KDM6A: variants seen among roughly 807,000 people sequenced by gnomAD.
KDM6A encodes lysine-specific demethylase 6A.
KDM6A carries 11 observed loss-of-function variants against 117.6 expected under a neutral mutation model. That is an observed-to-expected ratio of 0.09 (90% CI 0.06 to 0.15). KDM6A has a LOEUF of 0.15. KDM6A is among the 10% of genes least tolerant of loss of function. The probability of loss-of-function intolerance (pLI) is 1.00; values close to 1 mark genes in which losing one functional copy is unlikely to be tolerated. For synonymous variants in KDM6A, 384 were observed against 396.1 expected (o/e 0.97, Z 0.36); for missense variants, 799 against 1,077.3 (o/e 0.74, Z 3.62).
intron 4 of KDM6A, among the ~76,000 whole-genome samples, chrX:44,984,722 A>C (rs2040108519): frequency 9.0e-6 from 1 of 111,358 alleles, no homozygotes; most frequent in African/African-American, 3.3e-5. Flanking sequence ...AGATAGTTGT[A>C]GATATGCAGC....
At chrX:45,025,508 A>C (rs1366715212) in intron 6 of KDM6A, among the ~76,000 whole-genome samples, 1 of 110,181 alleles carries the variant, frequency 9.1e-6, no homozygotes, top group Admixed American at 9.7e-5. Flanking sequence ...TATTAATGAC[A>C]GTTACTTATT....
chrX:45,048,177 A>AAC (rs1315424464), intron 8 of KDM6A, among the ~76,000 whole-genome samples: 1 of 108,213 alleles, frequency 9.2e-6, no homozygotes, highest in African/African-American at 3.4e-5. Flanking sequence ...AAAAAAAAAA[A>AAC]AAACTACAAA....
At position 45,111,648 on chromosome X, in the gene KDM6A, A is replaced by T. The variant is rs563385889; in HGVS notation, c.*237A>T. The stretch of plus-strand genomic sequence containing the variant: ...AAAAATAATAATTTCCATGTTTTGT[A>T]TATATCTGACAAAACTGGCAACATC... On this transcript the variant is annotated 3_prime_UTR_variant, in exon 30 of 30. Coordinates refer to ENST00000611820, the MANE Select transcript of KDM6A (RefSeq NM_001291415.2). 2.8e-6 allele frequency: 1 copy of T among 351,719 alleles called. No individual in the cohort carries two copies. Among genetic ancestry groups the T allele is most frequent in the South Asian group, 8.0e-5 (1 of 12,519 alleles). 29.0% of individuals were successfully genotyped at this position (351,719 alleles called of 1,213,427 possible). A position where few individuals can be genotyped will look rare whatever the true frequency, so the allele number is the denominator to read the frequency against.
chrX:45,031,268 C>T (rs1430791511), intron 6 of KDM6A, among the ~76,000 whole-genome samples: 2 of 111,542 alleles, frequency 1.8e-5, no homozygotes, highest in African/African-American at 6.5e-5. Flanking sequence ...TTTTAAAAAT[C>T]CTATTAAGGC....
At chrX:44,874,961 G>A (rs1165024801) in intron 2 of KDM6A, among the ~76,000 whole-genome samples, 1 of 112,273 alleles carries the variant, frequency 8.9e-6, no homozygotes, top group Non-Finnish European at 1.9e-5. Flanking sequence ...CCTGGTAAAT[G>A]CTTATCAACC....
chrX:44,971,327 G>A (rs1395714404), intron 3 of KDM6A, among the ~76,000 whole-genome samples: 5 of 111,609 alleles, frequency 4.5e-5, no homozygotes, highest in African/African-American at 1.3e-4. Flanking sequence ...AGGTTGGTTG[G>A]CATCATCTTT....
At position 45,087,645 on chromosome X, in the gene KDM6A, A is replaced by G. The variant is rs1051679979; in HGVS notation, c.3704+1666A>G. On this transcript the variant is annotated intron_variant, in intron 25 of 29. Transcript: ENST00000611820. ...TTTATTTCTTAAACTTTGAGTTAAT[A>G]CTATATTGTTGCAGCTATAGTACAG... is the stretch of plus-strand genomic sequence containing the variant. Among the ~76,000 whole-genome samples the G allele has an allele frequency of 3.6e-5, 4 of 112,319 alleles. No homozygotes were observed. The East Asian group carries it at 8.4e-4, about 23-fold the overall frequency.
intron 2 of KDM6A, among the ~76,000 whole-genome samples, chrX:44,956,946 A>T (rs1358271554): frequency 9.1e-6 from 1 of 110,315 alleles, no homozygotes; most frequent in African/African-American, 3.3e-5. Flanking sequence ...CCTGGCCAAC[A>T]TGGTGAAACC....
At chrX:45,089,402 T>A (rs1199587083) in intron 25 of KDM6A, among the ~76,000 whole-genome samples, 2 of 109,898 alleles carry the variant, frequency 1.8e-5, no homozygotes. Flanking sequence ...GGCAGGTGCC[T>A]GTAATCCCAG....
intron 2 of KDM6A, among the ~76,000 whole-genome samples, chrX:44,909,254 T>C (rs1481802825): frequency 8.9e-6 from 1 of 112,136 alleles, no homozygotes; most frequent in Admixed American, 9.5e-5. Context: ...GATTCATCCT[T>C]CTTATTCATC....
chrX:45,075,054 C>T lies in KDM6A; in HGVS notation c.2859-1643C>T, dbSNP rs533106068. 4.5e-5 allele frequency among the ~76,000 whole-genome samples: 5 copies of T among 111,648 alleles called. No homozygotes were observed. The South Asian group carries it at 1.8e-3, about 41-fold the overall frequency. On this transcript the variant is annotated intron_variant, in intron 18 of 29. Coordinates refer to ENST00000611820, the MANE Select transcript of KDM6A (RefSeq NM_001291415.2). ...ATACATGGTTCATATACTTCAATTT[C>T]TTCAAAATAGTAACCATTTACTCTA... is the stretch of plus-strand genomic sequence containing the variant.
chrX:44,880,004 C>G (rs762189453), intron 2 of KDM6A, among the ~76,000 whole-genome samples: 148 of 109,677 alleles, frequency 1.3e-3, no homozygotes, highest in Non-Finnish European at 2.3e-3. Context: ...GAAACCACGT[C>G]TCTACTAAAA....
chrX:45,044,183 A>T (rs763392600), intron 8 of KDM6A, among the ~76,000 whole-genome samples: 9 of 112,194 alleles, frequency 8.0e-5, no homozygotes, highest in African/African-American at 2.9e-4. Context: ...GTATAATGTC[A>T]TATCTCCAAA....
At chrX:45,054,051 C>A in intron 10 of KDM6A, 96 bp downstream of exon 10, 1 of 886,863 alleles carries the variant, frequency 1.1e-6, no homozygotes, top group South Asian at 2.0e-5. Flanking sequence ...GTAACCTGAT[C>A]AGTGTATTTT....
intron 24 of KDM6A, among the ~76,000 whole-genome samples, chrX:45,085,123 T>C (rs892592321): frequency 1.8e-5 from 2 of 112,280 alleles, no homozygotes; most frequent in Non-Finnish European, 3.8e-5. Context: ...AGAACTATGT[T>C]CTGCTCTGTA....
chrX:45,006,104 C>T (rs2041464538), intron 4 of KDM6A, among the ~76,000 whole-genome samples: 1 of 100,209 alleles, frequency 1.0e-5, no homozygotes, highest in African/African-American at 3.7e-5. Flanking sequence ...GTACAGTCAT[C>T]AGTGTGGTAT....
intron 2 of KDM6A, among the ~76,000 whole-genome samples, chrX:44,904,099 G>C (rs2034513131): frequency 9.0e-6 from 1 of 111,723 alleles, no homozygotes; most frequent in African/African-American, 3.3e-5. Context: ...ATTGGCTTTT[G>C]TTTCTTGTAG....
chrX:45,011,760 GTTTA>G (rs1234906799), intron 5 of KDM6A, among the ~76,000 whole-genome samples: 41 of 110,478 alleles, frequency 3.7e-4, no homozygotes, highest in South Asian at 1.1e-3. Flanking sequence ...TCTTTAGTTT[GTTTA>G]TTTATTTATT....
At chrX:44,900,676 A>G (rs2034280729) in intron 2 of KDM6A, among the ~76,000 whole-genome samples, 2 of 111,343 alleles carry the variant, frequency 1.8e-5, no homozygotes, top group South Asian at 7.5e-4. Context: ...AGGCGGGCGG[A>G]TCATGAGGTC....
Sources: gnomAD v4.1 joint callset for allele counts (sites outside exome capture counted in the v4.1 genomes callset) on GRCh38, gnomAD v4.1.1 for gene constraint, MANE v1.5 for transcripts, NCBI Gene and HGNC (gene_info 2026-07-23, HGNC 2026-07-21) for gene names.